Variants in SEMA3A observed in about 807,000 individuals in gnomAD.
SEMA3A encodes the protein semaphorin 3A.
SEMA3A carries 29 observed loss-of-function variants against 97.9 expected under a neutral mutation model. The observed-to-expected ratio is 0.30, with a 90% confidence interval of 0.22 to 0.40. The LOEUF (loss-of-function observed/expected upper bound fraction) is 0.40. Ranked by LOEUF, SEMA3A falls within the 10% of genes least tolerant of loss-of-function variation. The pLI is 1.00. For synonymous variants in SEMA3A, 321 were observed against 323.7 expected (o/e 0.99, Z 0.09); for missense variants, 763 against 951.3 (o/e 0.80, Z 2.60).
chr7:84,048,241 A>G (rs1228103379), intron 5 of SEMA3A, among the ~76,000 whole-genome samples: 1 of 152,010 alleles, frequency 6.6e-6, no homozygotes, highest in Non-Finnish European at 1.5e-5. Flanking sequence ...TTAAATATCA[A>G]GTGTAAATCT....
intron 1 of SEMA3A, among the ~76,000 whole-genome samples, chr7:84,146,590 A>G (rs1399164434): frequency 2.0e-5 from 3 of 152,216 alleles, no homozygotes; most frequent in Non-Finnish European, 4.4e-5. Context: ...TGAGGGAATA[A>G]CTAGAGTTTA....
chr7:84,381,018 T>G (rs528702150), intron 1 of SEMA3A, among the ~76,000 whole-genome samples: 2 of 152,350 alleles, frequency 1.3e-5, no homozygotes, highest in South Asian at 2.1e-4. Context: ...GGCAACATAT[T>G]TACAGCTTCT....
intron 1 of SEMA3A, among the ~76,000 whole-genome samples, chr7:84,485,454 C>T (rs1201305193): frequency 6.6e-6 from 1 of 151,710 alleles, no homozygotes; most frequent in Non-Finnish European, 1.5e-5. Flanking sequence ...TAGTTGATTA[C>T]AGCCTCGACC....
chr7:84,397,549 T>C (rs1803771265), intron 1 of SEMA3A, among the ~76,000 whole-genome samples: 2 of 150,480 alleles, frequency 1.3e-5, no homozygotes, highest in South Asian at 4.2e-4. Context: ...ATAGTGTGCA[T>C]AGTATAATTT....
At chr7:84,360,805 AT>A (rs1440781077) in intron 2 of SEMA3A, among the ~76,000 whole-genome samples, 2 of 151,326 alleles carry the variant, frequency 1.3e-5, no homozygotes, top group Non-Finnish European at 1.5e-5. Context: ...TTTATTTTTT[AT>A]TTTTTTTGAG....
At position 84,128,121 on chromosome 7, in the gene SEMA3A, A is replaced by C. The variant is rs147281749; in HGVS notation, c.333+1002T>G. ...GTTTACTTTACAAAAAATGGCCTCTATCTTTTTACAATGCTAAAACCATTG... is the reference window on the plus strand; with the variant it reads ...GTTTACTTTACAAAAAATGGCCTCTCTCTTTTTACAATGCTAAAACCATTG... On this transcript the variant is annotated intron_variant, in intron 3 of 16. Transcript: ENST00000265362. 8.0e-4 allele frequency among the ~76,000 whole-genome samples: 122 copies of C among 152,228 alleles called. 1 individual carries two copies. The highest frequency in any genetic ancestry group is 2.8e-3 in the African/African-American group (117 of 41,548).
intron 1 of SEMA3A, among the ~76,000 whole-genome samples, chr7:84,436,456 A>G (rs920900185): frequency 1.3e-5 from 2 of 152,166 alleles, no homozygotes; most frequent in African/African-American, 4.8e-5. Flanking sequence ...AATATCCACA[A>G]TCTATAAGGA....
intron 3 of SEMA3A, among the ~76,000 whole-genome samples, chr7:84,206,769 T>G (rs933821132): frequency 1.3e-5 from 2 of 152,154 alleles, no homozygotes; most frequent in African/African-American, 2.4e-5. Flanking sequence ...AAATGGGTAC[T>G]TTCTATTAAA....
At chr7:84,157,691 TG>T (rs1796887608) in intron 1 of SEMA3A, among the ~76,000 whole-genome samples, 1 of 152,222 alleles carries the variant, frequency 6.6e-6, no homozygotes, top group Non-Finnish European at 1.5e-5. Flanking sequence ...GGAAAGTCAT[TG>T]TTAACTCCAT....
intron 2 of SEMA3A, among the ~76,000 whole-genome samples, chr7:84,327,384 G>C (rs1039871792): frequency 6.6e-6 from 1 of 151,592 alleles, no homozygotes; most frequent in Non-Finnish European, 1.5e-5. Context: ...AAAAATGCTA[G>C]GAAGGAAAGG....
At chr7:84,286,472 G>A (rs1800590592) in intron 3 of SEMA3A, among the ~76,000 whole-genome samples, 1 of 152,080 alleles carries the variant, frequency 6.6e-6, no homozygotes, top group Non-Finnish European at 1.5e-5. Context: ...ATATAAATAT[G>A]AGTCTCTAGG....
At chr7:84,145,466 A>T (rs1236808869) in intron 1 of SEMA3A, among the ~76,000 whole-genome samples, 6 of 152,154 alleles carry the variant, frequency 3.9e-5, no homozygotes, top group Non-Finnish European at 7.4e-5. Context: ...ATATCTAAGA[A>T]AAAGCAAATG....
chr7:84,127,116 C>T (rs141366644), intron 3 of SEMA3A, among the ~76,000 whole-genome samples: 338 of 151,988 alleles, frequency 2.2e-3, no homozygotes, highest in African/African-American at 7.8e-3. Flanking sequence ...CCTTACCTAA[C>T]TCTAGTCAGA....
chr7:84,091,222 G>GA (rs1562774673), intron 4 of SEMA3A, among the ~76,000 whole-genome samples: 1 of 59,658 alleles, frequency 1.7e-5, no homozygotes, highest in South Asian at 5.3e-4. Flanking sequence ...GAAAAGAAAA[G>GA]AAAGAAAAGA....
At chr7:84,387,920 C>G (rs1467540146) in intron 1 of SEMA3A, among the ~76,000 whole-genome samples, 2 of 152,098 alleles carry the variant, frequency 1.3e-5, no homozygotes, top group Admixed American at 1.3e-4. Context: ...GCTTGCTAGT[C>G]CAGGCTGTTA....
chr7:84,379,572 T>C, intron 1 of SEMA3A, among the ~76,000 whole-genome samples: 1 of 152,172 alleles, frequency 6.6e-6, no homozygotes, highest in African/African-American at 2.4e-5. Flanking sequence ...AACATAATTG[T>C]ATCTATTTAT....
chr7:84,463,237 C>CTTTTTTTTTTTTTTTTTTTT (rs59465422), intron 1 of SEMA3A, among the ~76,000 whole-genome samples: 1 of 71,372 alleles, frequency 1.4e-5, no homozygotes, highest in Non-Finnish European at 3.0e-5. Flanking sequence ...TGTAACTATT[C>CTTTTTTTTTTTTTTTTTTTT]TTTTTTTTTT....
intron 5 of SEMA3A, among the ~76,000 whole-genome samples, chr7:84,049,088 T>A (rs958078068): frequency 2.0e-5 from 3 of 152,084 alleles, no homozygotes; most frequent in African/African-American, 7.2e-5. Flanking sequence ...GAACAGGTAT[T>A]CAGTAAAAGA....
At chr7:84,167,000 T>C (rs1486099699) in intron 1 of SEMA3A, among the ~76,000 whole-genome samples, 1 of 52,968 alleles carries the variant, frequency 1.9e-5, no homozygotes, top group Non-Finnish European at 5.0e-5. Context: ...TATCATATAG[T>C]GAGTGTTGAA....
Sources: gnomAD v4.1 joint callset for allele counts (sites outside exome capture counted in the v4.1 genomes callset) on GRCh38, gnomAD v4.1.1 for gene constraint, MANE v1.5 for transcripts, NCBI Gene and HGNC (gene_info 2026-07-23, HGNC 2026-07-21) for gene names.